The following CAMKMT variants were observed in gnomAD, a reference collection of about 807,000 sequenced individuals.
CAMKMT encodes CaM KMT.
In CAMKMT, 53 loss-of-function variants were observed where a neutral mutation model predicts 48.0. That is an observed-to-expected ratio of 1.10 (90% CI 0.89 to 1.39). The LOEUF is 1.39. Ranked by LOEUF, CAMKMT falls within the 40% of genes most tolerant of loss-of-function variation. The pLI is 0.00. For synonymous variants in CAMKMT, 165 were observed against 152.3 expected (o/e 1.08, Z -0.61); for missense variants, 428 against 402.7 (o/e 1.06, Z -0.54).
At chr2:44,420,859 T>C (rs989595543) in intron 3 of CAMKMT, among the ~76,000 whole-genome samples, 1 of 152,108 alleles carries the variant, frequency 6.6e-6, no homozygotes, top group African/African-American at 2.4e-5. Flanking sequence ...TAATTTTTTT[T>C]AATTGTCTAA....
At chr2:44,625,579 T>G (rs2103948976) in intron 3 of CAMKMT, among the ~76,000 whole-genome samples, 1 of 152,234 alleles carries the variant, frequency 6.6e-6, no homozygotes, top group South Asian at 2.1e-4. Flanking sequence ...CTAAAAAGTT[T>G]TGCTCACACA....
intron 3 of CAMKMT, among the ~76,000 whole-genome samples, chr2:44,591,746 A>G (rs1293013595): frequency 6.6e-6 from 1 of 151,964 alleles, no homozygotes; most frequent in African/African-American, 2.4e-5. Context: ...TCATGCTGCT[A>G]TAAAGACACA....
intron 3 of CAMKMT, among the ~76,000 whole-genome samples, chr2:44,700,056 A>G (rs1677175709): frequency 6.6e-6 from 1 of 152,222 alleles, no homozygotes; most frequent in African/African-American, 2.4e-5. Flanking sequence ...CAGCTTCTAC[A>G]TCAGCACTTA....
intron 8 of CAMKMT, among the ~76,000 whole-genome samples, chr2:44,750,890 G>A (rs1475711164): frequency 2.0e-5 from 3 of 152,158 alleles, no homozygotes; most frequent in African/African-American, 7.2e-5. Context: ...GCGCATGTCT[G>A]TAATCCCAGC....
intron 3 of CAMKMT, among the ~76,000 whole-genome samples, chr2:44,484,996 A>G (rs1204911501): frequency 6.6e-6 from 1 of 152,176 alleles, no homozygotes; most frequent in African/African-American, 2.4e-5. Flanking sequence ...CCAGGTAAAT[A>G]CAAATTGAAA....
intron 3 of CAMKMT, among the ~76,000 whole-genome samples, chr2:44,611,085 C>T (rs571329619): frequency 6.6e-6 from 1 of 152,108 alleles, no homozygotes; most frequent in Non-Finnish European, 1.5e-5. Context: ...TTTTCTTATT[C>T]CCAATATGTT....
chr2:44,590,529 G>A (rs1192565352), intron 3 of CAMKMT, among the ~76,000 whole-genome samples: 1 of 152,122 alleles, frequency 6.6e-6, no homozygotes, highest in Non-Finnish European at 1.5e-5. Flanking sequence ...ATTTTTTCAT[G>A]TGTTTTTTGG....
At chr2:44,502,807 A>G (rs1052398555) in intron 3 of CAMKMT, among the ~76,000 whole-genome samples, 2 of 152,182 alleles carry the variant, frequency 1.3e-5, no homozygotes, top group African/African-American at 4.8e-5. Context: ...CTATTCAATA[A>G]TTATTATCCA....
At chr2:44,527,460 C>T (rs1372179510) in intron 3 of CAMKMT, among the ~76,000 whole-genome samples, 4 of 138,102 alleles carry the variant, frequency 2.9e-5, no homozygotes, top group African/African-American at 1.1e-4. Flanking sequence ...TGAGGTCTCT[C>T]TCTGTTGCCC....
intron 6 of CAMKMT, among the ~76,000 whole-genome samples, chr2:44,710,551 A>C (rs914674411): frequency 1.3e-5 from 2 of 152,174 alleles, no homozygotes; most frequent in African/African-American, 4.8e-5. Context: ...GATAAATTAG[A>C]AATGGGATCA....
chr2:44,665,460 T>A (rs1337898663), intron 3 of CAMKMT, among the ~76,000 whole-genome samples: 1 of 152,198 alleles, frequency 6.6e-6, no homozygotes, highest in Admixed American at 6.5e-5. Context: ...AAGAACCTTA[T>A]ATTGAGGCCA....
intron 3 of CAMKMT, among the ~76,000 whole-genome samples, chr2:44,578,229 G>A (rs187484256): frequency 5.9e-5 from 9 of 152,142 alleles, no homozygotes; most frequent in African/African-American, 1.7e-4. Context: ...AGAATACACC[G>A]TAACATAAAG....
chr2:44,532,834 A>G (rs1409906331), intron 3 of CAMKMT, among the ~76,000 whole-genome samples: 1 of 145,446 alleles, frequency 6.9e-6, no homozygotes. Flanking sequence ...TTTTTTTTTG[A>G]GACAGAGTCT....
intron 3 of CAMKMT, among the ~76,000 whole-genome samples, chr2:44,611,381 C>T (rs4953120): frequency 0.56 from 84,478 of 151,298 alleles, 25,200 homozygotes; most frequent in Admixed American, 0.67. Flanking sequence ...GGCAGTGAGC[C>T]GAGATCGTGC....
At chr2:44,604,575 A>G (rs1320308592) in intron 3 of CAMKMT, among the ~76,000 whole-genome samples, 3 of 112,318 alleles carry the variant, frequency 2.7e-5, no homozygotes, top group Non-Finnish European at 5.8e-5. Context: ...TTTTTTTTTT[A>G]ACATTTTTAA....
intron 9 of CAMKMT, among the ~76,000 whole-genome samples, chr2:44,757,025 G>C (rs2104393393): frequency 6.6e-6 from 1 of 152,314 alleles, no homozygotes; most frequent in South Asian, 2.1e-4. Context: ...TTCCTCACGT[G>C]TCAAAAGGCA....
intron 2 of CAMKMT, among the ~76,000 whole-genome samples, chr2:44,383,634 C>T (rs1680483967): frequency 6.6e-6 from 1 of 152,152 alleles, no homozygotes; most frequent in Admixed American, 6.5e-5. Context: ...GTACCCCTCC[C>T]ACTCTTCCCC....
intron 3 of CAMKMT, among the ~76,000 whole-genome samples, chr2:44,572,970 T>A (rs989913025): frequency 1.3e-5 from 2 of 152,194 alleles, no homozygotes; most frequent in African/African-American, 4.8e-5. Flanking sequence ...ATTAGGAATG[T>A]TAATCTTTTC....
chr2:44,399,521 CT>C (rs1682163030), intron 3 of CAMKMT, among the ~76,000 whole-genome samples: 1 of 151,794 alleles, frequency 6.6e-6, no homozygotes, highest in Non-Finnish European at 1.5e-5. Context: ...TGATCTTTCT[CT>C]TATTTCCCAC....
Sources: gnomAD v4.1 joint callset for allele counts (sites outside exome capture counted in the v4.1 genomes callset) on GRCh38, gnomAD v4.1.1 for gene constraint, MANE v1.5 for transcripts, NCBI Gene and HGNC (gene_info 2026-07-23, HGNC 2026-07-21) for gene names.